KIRREL3: variants seen among roughly 807,000 people sequenced by gnomAD.
The protein encoded by KIRREL3 is kirre like nephrin family adhesion molecule 3.
A neutral mutation model predicts 89.7 loss-of-function variants in KIRREL3; 36 were observed. The observed-to-expected ratio is 0.40, with a 90% CI of 0.31 to 0.53. The LOEUF is 0.53. Among genes scored for constraint, KIRREL3 ranks in the 20% least tolerant of loss-of-function variants. The probability of loss-of-function intolerance (pLI) is 0.49; values close to 1 mark genes in which losing one functional copy is unlikely to be tolerated. For missense variants in KIRREL3, 864 were observed against 1,056.6 expected (o/e 0.82, Z 2.53); for synonymous variants, 445 against 441.4 (o/e 1.01, Z -0.10).
chr11:126,424,793 C>G lies in KIRREL3; in HGVS notation c.2124G>C (p.Glu708Asp). 1.9e-6 allele frequency: 3 copies of G among 1,614,090 alleles called. No homozygotes were observed. The highest frequency in any genetic ancestry group is 2.5e-6 in the Non-Finnish European group (3 of 1,179,914). The change falls in exon 17 of 17, where the codon GAG becomes GAC. Residue 708 changes from glutamate (E) to aspartate (D), a missense_variant. Coordinates refer to ENST00000525144, the MANE Select transcript of KIRREL3 (RefSeq NM_032531.4). ...TGAGGGAGCCTCTCTGGAACTCCCGCTCACAAAGCTCGATGGACGAGCTGC... is the reference window on the plus strand; with the variant it reads ...TGAGGGAGCCTCTCTGGAACTCCCGGTCACAAAGCTCGATGGACGAGCTGC... ...GMGSSSIELC[E>D]REFQRGSLSD... is the part of the protein sequence containing the mutation.
rs571456011 is a variant in KIRREL3 at position 126,917,399 on chromosome 11, T to C, written c.55+83056A>G. 2.0e-5 allele frequency among the ~76,000 whole-genome samples: 3 copies of C among 152,282 alleles called. No homozygotes were observed. In the East Asian group the frequency reaches 5.8e-4, roughly 29 times the overall value. ...TAGTGGTGATGGTTGCACAACATTG[T>C]CAATATAGTTAATGCCACTAAACCG... On this transcript the variant is annotated intron_variant, in intron 1 of 16. Coordinates refer to ENST00000525144, the MANE Select transcript of KIRREL3 (RefSeq NM_032531.4). This position sits in a 1 kb window ranked among gnomAD's most constrained non-coding sequence, Gnocchi z 5.0.
rs973544837 is a variant in KIRREL3, at chr11:126,898,898, G to A, written c.55+101557C>T. The stretch of plus-strand genomic sequence containing the variant: ...AAATGCCAACTTAAGTGGTGATTTT[G>A]ATGGCTACAATCCAGGCCCCCTTTC... On this transcript the variant is annotated intron_variant, in intron 1 of 16. Coordinates refer to ENST00000525144, the MANE Select transcript of KIRREL3 (RefSeq NM_032531.4). This position sits in a 1 kb window ranked among gnomAD's most constrained non-coding sequence, Gnocchi z 4.9. Among the ~76,000 whole-genome samples the A allele has an allele frequency of 1.3e-5, 2 of 152,044 alleles. No homozygotes were observed. The highest frequency in any genetic ancestry group is 4.8e-5 in the African/African-American group (2 of 41,362).
intron 1 of KIRREL3, among the ~76,000 whole-genome samples, chr11:126,838,225 T>C (rs1387333637): frequency 6.6e-6 from 1 of 152,256 alleles, no homozygotes; most frequent in South Asian, 2.1e-4. Flanking sequence ...CCTGTCATCA[T>C]GTTTAAAATA....
rs766266024 is a variant in KIRREL3 at position 126,923,176 on chromosome 11, C to CTTCTTCTTCTTT, written c.55+77278_55+77279insAAAGAAGAAGAA. Among the ~76,000 whole-genome samples the CTTCTTCTTCTTT allele has an allele frequency of 8.8e-3, 159 of 17,994 alleles. 38 individuals are homozygous for CTTCTTCTTCTTT. The highest frequency in any genetic ancestry group is 0.015 in the African/African-American group (63 of 4,262). 11.8% of individuals were successfully genotyped at this position (17,994 alleles called of 152,430 possible). ...TCTTCTTCTTCTTCTTCTTCTTCTT[C>CTTCTTCTTCTTT]TCTTCTTCTTCTCTTCTTCTTCTTC... On this transcript the variant is annotated intron_variant, in intron 1 of 16. Transcript: ENST00000525144.
intron 4 of KIRREL3, among the ~76,000 whole-genome samples, chr11:126,514,289 A>G (rs944265026): frequency 6.6e-6 from 1 of 152,206 alleles, no homozygotes; most frequent in Non-Finnish European, 1.5e-5. Context: ...AAACAGCCAC[A>G]TAGCACAAAT....
At chr11:126,701,049 G>A (rs1947295100) in intron 1 of KIRREL3, among the ~76,000 whole-genome samples, 1 of 152,226 alleles carries the variant, frequency 6.6e-6, no homozygotes, top group African/African-American at 2.4e-5. Flanking sequence ...ACATACGTCA[G>A]TGTCTCTTTG....
In KIRREL3 at chr11:126,478,596, TATGTATATGC is replaced by T. The variant is rs371126891; in HGVS notation, c.434-5140_434-5131del. 8.2e-3 allele frequency among the ~76,000 whole-genome samples: 1,243 copies of T among 151,152 alleles called. 10 individuals are homozygous for T. The highest frequency in any genetic ancestry group is 0.028 in the African/African-American group (1,175 of 41,276). On this transcript the variant is annotated intron_variant, in intron 4 of 16. Coordinates refer to ENST00000525144, the MANE Select transcript of KIRREL3 (RefSeq NM_032531.4). Reference sequence around the variant, plus strand: ...ATGTGTGTACACGTGTGTATGTGTATATGTATATGCATGTATATGTGTGTATGTGTGTATG... The same window carrying T: ...ATGTGTGTACACGTGTGTATGTGTATATGTATATGTGTGTATGTGTGTATG...
chr11:126,923,143 CT>C (rs1330603576), intron 1 of KIRREL3, among the ~76,000 whole-genome samples: 1,240 of 16,628 alleles, frequency 0.075, 262 homozygotes, highest in Non-Finnish European at 0.1. Context: ...TCTTCTTCTT[CT>C]TCTTCTTCTT....
chr11:126,912,444 G>A lies in KIRREL3; in HGVS notation c.55+88011C>T, dbSNP rs532471928. ...CCCCTTTCCATCTCACATTCCTCCA[G>A]CTGGTTCAGCACTTCCGATGGCTCC... On this transcript the variant is annotated intron_variant, in intron 1 of 16. Transcript: ENST00000525144. This position sits in a 1 kb window ranked among gnomAD's most constrained non-coding sequence, Gnocchi z 4.7. Among the ~76,000 whole-genome samples, 1 of 152,242 alleles carries A rather than the reference G, an allele frequency of 6.6e-6. No individual in the cohort carries two copies. Among genetic ancestry groups the A allele is most frequent in the East Asian group, 1.9e-4 (1 of 5,172 alleles).
At position 126,555,588 on chromosome 11, in the gene KIRREL3, G is replaced by T. The variant is rs1939642688; in HGVS notation, c.133+7247C>A. Among the ~76,000 whole-genome samples, 1 of 152,106 alleles carries T rather than the reference G, an allele frequency of 6.6e-6. No individual in the cohort carries two copies. The highest frequency in any genetic ancestry group is 1.5e-5 in the Non-Finnish European group (1 of 68,018). On this transcript the variant is annotated intron_variant, in intron 2 of 16. Coordinates refer to ENST00000525144, the MANE Select transcript of KIRREL3 (RefSeq NM_032531.4). The surrounding 1 kb of genome is among the most constrained non-coding windows in gnomAD (Gnocchi z 4.2). ...GCAAGCAGGGTAGACACAGGGAGCAGGGTAGACACAGGCCCTATGACAGGG... is the reference window on the plus strand; with the variant it reads ...GCAAGCAGGGTAGACACAGGGAGCATGGTAGACACAGGCCCTATGACAGGG...
At chr11:126,493,987 G>A (rs2134345816) in intron 4 of KIRREL3, among the ~76,000 whole-genome samples, 1 of 152,240 alleles carries the variant, frequency 6.6e-6, no homozygotes. Context: ...CAAACTTTAA[G>A]GGTGTACTCA....
At position 126,480,820 on chromosome 11, in the gene KIRREL3, C is replaced by T. The variant is rs576974203; in HGVS notation, c.434-7354G>A. Among the ~76,000 whole-genome samples the T allele has an allele frequency of 3.9e-5, 6 of 152,324 alleles. No homozygotes were observed. The East Asian group carries it at 1.2e-3, about 29-fold the overall frequency. Reference sequence around the variant, plus strand: ...GAACGGACGAATGTTGTTTGTAGTCCGCCCAGCTCTTTGCTGCCTTTTGTG... The same window carrying T: ...GAACGGACGAATGTTGTTTGTAGTCTGCCCAGCTCTTTGCTGCCTTTTGTG... On this transcript the variant is annotated intron_variant, in intron 4 of 16. Transcript: ENST00000525144.
At position 126,432,646 on chromosome 11, in the gene KIRREL3, G is replaced by T. The variant is rs550517416; in HGVS notation, c.1589-1120C>A. 6.6e-6 allele frequency among the ~76,000 whole-genome samples: 1 copy of T among 151,860 alleles called. No individual in the cohort carries two copies. Among genetic ancestry groups the T allele is most frequent in the East Asian group, 1.9e-4 (1 of 5,146 alleles). The stretch of plus-strand genomic sequence containing the variant: ...ATGTGAGATCCCCCACATCTCATGT[G>T]CTCGGTACCGCCCAGACTGCTGCTG... On this transcript the variant is annotated intron_variant, in intron 13 of 16. Coordinates refer to ENST00000525144, the MANE Select transcript of KIRREL3 (RefSeq NM_032531.4). This position sits in a 1 kb window ranked among gnomAD's most constrained non-coding sequence, Gnocchi z 6.2.
intron 1 of KIRREL3, among the ~76,000 whole-genome samples, chr11:126,567,229 T>C (rs1940583446): frequency 6.6e-6 from 1 of 152,162 alleles, no homozygotes; most frequent in African/African-American, 2.4e-5. Flanking sequence ...TATAATGAGG[T>C]CATTAGGACG....
intron 11 of KIRREL3, among the ~76,000 whole-genome samples, chr11:126,438,074 G>T (rs865943743): frequency 6.6e-6 from 1 of 152,248 alleles, no homozygotes; most frequent in Non-Finnish European, 1.5e-5. Flanking sequence ...AAAGGGGCCT[G>T]GGGAGCATCT....
rs889730871 is a variant in KIRREL3 at position 126,991,777 on chromosome 11, A to G, written c.55+8678T>C. Among the ~76,000 whole-genome samples, 7 of 152,210 alleles carry G rather than the reference A, an allele frequency of 4.6e-5. No homozygotes were observed. The highest frequency in any genetic ancestry group is 7.2e-5 in the African/African-American group (3 of 41,448). ...GTCCTAGACACTGGGGATTGCCACA[A>G]ATTATAAGACTATGACCTGTCTTAT... On this transcript the variant is annotated intron_variant, in intron 1 of 16. Transcript: ENST00000525144. The surrounding 1 kb of genome is among the most constrained non-coding windows in gnomAD (Gnocchi z 5.8).
At chr11:126,701,219 G>T (rs915667372) in intron 1 of KIRREL3, among the ~76,000 whole-genome samples, 4 of 152,226 alleles carry the variant, frequency 2.6e-5, no homozygotes, top group Non-Finnish European at 5.9e-5. Context: ...GTGTTTGCGT[G>T]TGTGCATGTG....
chr11:126,745,736 C>T (rs1182829257), intron 1 of KIRREL3, among the ~76,000 whole-genome samples: 1 of 152,230 alleles, frequency 6.6e-6, no homozygotes, highest in African/African-American at 2.4e-5. Context: ...CAGTGTCTCT[C>T]TGGATTCTTT....
rs559916086 is a variant in KIRREL3, at chr11:126,976,005, A to G, written c.55+24450T>C. ...ATATGCCCCAGTTTGTAAATGGCTAAGGTGTGGCTCTCAGGACAGAGCATA... is the reference window on the plus strand; with the variant it reads ...ATATGCCCCAGTTTGTAAATGGCTAGGGTGTGGCTCTCAGGACAGAGCATA... On this transcript the variant is annotated intron_variant, in intron 1 of 16. Coordinates refer to ENST00000525144, the MANE Select transcript of KIRREL3 (RefSeq NM_032531.4). The surrounding 1 kb of genome is among the most constrained non-coding windows in gnomAD (Gnocchi z 4.2). 1.1e-4 allele frequency among the ~76,000 whole-genome samples: 17 copies of G among 149,818 alleles called. No homozygotes were observed. The highest frequency in any genetic ancestry group is 1.5e-4 in the Non-Finnish European group (10 of 67,722).
Sources: allele counts gnomAD v4.1 joint callset (sites outside exome capture counted in the v4.1 genomes callset), GRCh38; gene constraint gnomAD v4.1.1; non-coding constraint Gnocchi (gnomAD v3.1); transcripts MANE v1.5; gene names NCBI Gene and HGNC (gene_info 2026-07-23, HGNC 2026-07-21).